The following CNTN4 variants were observed in gnomAD, a reference collection of about 807,000 sequenced individuals.
CNTN4 encodes contactin-4.
A neutral mutation model predicts 122.5 loss-of-function variants in CNTN4; 77 were observed. The ratio of observed to expected loss-of-function variants is 0.63; its 90% CI spans 0.52 to 0.76. The LOEUF (loss-of-function observed/expected upper bound fraction) is 0.76, where lower values mean the gene tolerates loss of function less well. Ranked by LOEUF, CNTN4 falls within the 30% of genes least tolerant of loss-of-function variation. CNTN4 has a pLI of 0.00. For synonymous variants in CNTN4, 512 were observed against 447.0 expected (o/e 1.15, Z -1.83); for missense variants, 1,256 against 1,259.1 (o/e 1.00, Z 0.04).
chr3:2,314,847 C>G (rs2043038951), intron 2 of CNTN4, among the ~76,000 whole-genome samples: 1 of 151,788 alleles, frequency 6.6e-6, no homozygotes, highest in Non-Finnish European at 1.5e-5. Context: ...TATGAACAAT[C>G]AATTTTGAAG....
rs182612456 is a variant in CNTN4, at chr3:2,906,188, G to A, written c.1207+3183G>A. Among the ~76,000 whole-genome samples the A allele has an allele frequency of 3.7e-3, 564 of 152,148 alleles. 1 individual carries two copies. Among genetic ancestry groups the A allele is most frequent in the Middle Eastern group, 0.01 (3 of 292 alleles). ...GGTTGTCAGGGTCGGGGGAATCGGC[G>A]GGGGAGGGTTGGGAAGATGTCGTTC... On this transcript the variant is annotated intron_variant, in intron 12 of 24. Coordinates refer to ENST00000418658, the MANE Select transcript of CNTN4 (RefSeq NM_175607.3).
chr3:2,360,417 A>T (rs1471190566), intron 3 of CNTN4, among the ~76,000 whole-genome samples: 1 of 152,236 alleles, frequency 6.6e-6, no homozygotes, highest in Non-Finnish European at 1.5e-5. Context: ...AAATACTGAA[A>T]AAATATAATT....
intron 7 of CNTN4, among the ~76,000 whole-genome samples, chr3:2,826,300 G>C (rs186902716): frequency 1.7e-3 from 263 of 152,270 alleles, no homozygotes; most frequent in Middle Eastern, 3.4e-3. Context: ...CAGCCAGGGT[G>C]GAAAACTTGA....
chr3:2,568,157 A>G (rs1486588555), intron 3 of CNTN4, among the ~76,000 whole-genome samples: 1 of 152,072 alleles, frequency 6.6e-6, no homozygotes, highest in African/African-American at 2.4e-5. Context: ...AAATAAATAC[A>G]TGACCAGGCC....
intron 3 of CNTN4, among the ~76,000 whole-genome samples, chr3:2,502,669 T>G (rs766009737): frequency 6.6e-6 from 1 of 152,304 alleles, no homozygotes; most frequent in South Asian, 2.1e-4. Context: ...TTTTCGTGGC[T>G]GTAAAGAGAG....
chr3:2,305,146 G>A (rs2042659325), intron 2 of CNTN4, among the ~76,000 whole-genome samples: 2 of 152,196 alleles, frequency 1.3e-5, no homozygotes, highest in South Asian at 2.1e-4. Flanking sequence ...AAAAATCGCT[G>A]TATGAATGAT....
At chr3:2,766,051 A>T (rs1348556950) in intron 6 of CNTN4, among the ~76,000 whole-genome samples, 3 of 152,154 alleles carry the variant, frequency 2.0e-5, no homozygotes, top group Admixed American at 2.0e-4. Context: ...TTGAGAAGGC[A>T]TCCCTCATCA....
chr3:3,019,142 G>A (rs1418614560), intron 14 of CNTN4, among the ~76,000 whole-genome samples: 3 of 152,058 alleles, frequency 2.0e-5, no homozygotes, highest in African/African-American at 4.8e-5. Context: ...AGGAAAGATA[G>A]CAATGGAGAA....
At chr3:2,492,751 A>C (rs2076352828) in intron 3 of CNTN4, among the ~76,000 whole-genome samples, 1 of 152,206 alleles carries the variant, frequency 6.6e-6, no homozygotes, top group African/African-American at 2.4e-5. Context: ...GAAGGAGAGG[A>C]ATGAAGCAAA....
intron 2 of CNTN4, among the ~76,000 whole-genome samples, chr3:2,307,859 A>C (rs113049072): frequency 6.6e-6 from 1 of 152,078 alleles, no homozygotes; most frequent in African/African-American, 2.4e-5. Context: ...TTTTGTGTCT[A>C]TCTTCATAAG....
At chr3:2,189,852 C>T (rs928354554) in intron 2 of CNTN4, among the ~76,000 whole-genome samples, 1 of 152,140 alleles carries the variant, frequency 6.6e-6, no homozygotes, top group Non-Finnish European at 1.5e-5. Flanking sequence ...AGCCTTCAGC[C>T]AAGGACGGAT....
chr3:2,334,893 T>A (rs1396221528), intron 2 of CNTN4, among the ~76,000 whole-genome samples: 2 of 152,202 alleles, frequency 1.3e-5, no homozygotes, highest in Non-Finnish European at 2.9e-5. Flanking sequence ...TTGTTTTTGT[T>A]CTTAATAAAT....
intron 2 of CNTN4, among the ~76,000 whole-genome samples, chr3:2,176,150 A>G (rs2036738843): frequency 6.6e-6 from 1 of 152,178 alleles, no homozygotes; most frequent in African/African-American, 2.4e-5. Flanking sequence ...CAGAACATGC[A>G]TTAACTATGT....
chr3:2,936,469 T>C (rs907530207), intron 13 of CNTN4, among the ~76,000 whole-genome samples: 7 of 152,220 alleles, frequency 4.6e-5, no homozygotes, highest in African/African-American at 1.7e-4. Context: ...AACGTAGCAG[T>C]GGCTTCCCAT....
intron 2 of CNTN4, among the ~76,000 whole-genome samples, chr3:2,310,420 A>G (rs537424510): frequency 6.6e-6 from 1 of 152,240 alleles, no homozygotes; most frequent in African/African-American, 2.4e-5. Context: ...GCTTTATTTT[A>G]TGTCACAATG....
chr3:2,150,019 A>C (rs1266001236), intron 2 of CNTN4, among the ~76,000 whole-genome samples: 1 of 149,918 alleles, frequency 6.7e-6, no homozygotes, highest in Admixed American at 6.7e-5. Context: ...ATGCAAGGTT[A>C]GAGTTTAAAT....
intron 7 of CNTN4, among the ~76,000 whole-genome samples, chr3:2,856,445 C>T (rs112255111): frequency 4.6e-5 from 7 of 152,282 alleles, no homozygotes; most frequent in African/African-American, 1.7e-4. Context: ...GTGCACAAGC[C>T]TTGTCAGAGG....
At chr3:2,355,299 A>G (rs1021538210) in intron 3 of CNTN4, among the ~76,000 whole-genome samples, 2 of 152,208 alleles carry the variant, frequency 1.3e-5, no homozygotes, top group African/African-American at 4.8e-5. Context: ...TAAAATTACA[A>G]TGTTGATCTC....
chr3:2,186,491 T>C (rs183457329), intron 2 of CNTN4, among the ~76,000 whole-genome samples: 43 of 152,332 alleles, frequency 2.8e-4, no homozygotes, highest in African/African-American at 9.4e-4. Flanking sequence ...TTCTAGATCC[T>C]TGAGGAATTG....
Sources: gnomAD v4.1 joint callset for allele counts (sites outside exome capture counted in the v4.1 genomes callset) on GRCh38, gnomAD v4.1.1 for gene constraint, MANE v1.5 for transcripts, NCBI Gene and HGNC (gene_info 2026-07-23, HGNC 2026-07-21) for gene names.